C6orf62: variants seen among roughly 807,000 people sequenced by gnomAD.
C6orf62 encodes uncharacterized protein C6orf62.
A neutral mutation model predicts 26.8 loss-of-function variants in C6orf62; 16 were observed. The ratio of observed to expected loss-of-function variants is 0.60; its 90% CI spans 0.40 to 0.91. The LOEUF (loss-of-function observed/expected upper bound fraction) is 0.91, where lower values mean the gene tolerates loss of function less well. C6orf62 is among the 40% of genes least tolerant of loss of function. The probability of loss-of-function intolerance (pLI) is 0.00; values close to 1 mark genes in which losing one functional copy is unlikely to be tolerated. For synonymous variants in C6orf62, 112 were observed against 91.5 expected (o/e 1.22, Z -1.28); for missense variants, 192 against 271.4 (o/e 0.71, Z 2.06).
At chr6:24,715,480 A>T (rs560602448) in intron 2 of C6orf62, among the ~76,000 whole-genome samples, 2 of 152,392 alleles carry the variant, frequency 1.3e-5, no homozygotes, top group South Asian at 4.1e-4. Flanking sequence ...GTTTTACTCA[A>T]GGTCAAGTTT....
chr6:24,707,265 C>A (rs1480850265), intron 4 of C6orf62: 1 of 152,158 alleles, frequency 6.6e-6, no homozygotes, highest in Non-Finnish European at 1.5e-5. Flanking sequence ...AGTTACCTGT[C>A]CAAGATCATA....
At chr6:24,719,994 A>T, upstream of C6orf62, 1 of 1,537,654 alleles carries the variant, frequency 6.5e-7, no homozygotes, top group Non-Finnish European at 8.8e-7. Flanking sequence ...TAATTGTGTT[A>T]ATATTACTTC....
At chr6:24,710,466 G>A (rs1225126882) in intron 3 of C6orf62, 1 of 473,504 alleles carries the variant, frequency 2.1e-6, no homozygotes, top group Non-Finnish European at 2.8e-6. Context: ...ACTTCTTTAT[G>A]TTGGTCAGGA....
At chr6:24,720,314 G>A (rs1779330994), upstream of C6orf62, 2 of 1,306,580 alleles carry the variant, frequency 1.5e-6, no homozygotes, top group African/African-American at 1.5e-5. Context: ...GCTGCTGGTA[G>A]CACGGGCAGG....
At chr6:24,714,464 AAG>A (rs1229170460) in intron 2 of C6orf62, 24 bp from the exon 3 acceptor site, 1 of 1,542,588 alleles carries the variant, frequency 6.5e-7, no homozygotes. Context: ...AAAAAAAAAA[AAG>A]TTTACTTTTA....
intron 1 of C6orf62, 127 bp from the exon 2 acceptor site, chr6:24,716,451 G>C: frequency 1.6e-6 from 1 of 642,120 alleles, no homozygotes; most frequent in South Asian, 2.0e-5. Flanking sequence ...CTTATACACT[G>C]AAAACACATT....
Position 24,719,011 on chromosome 6 carries a change from G to A in C6orf62, c.-343C>T, listed in dbSNP as rs1437699528. 1.8e-6 allele frequency: 2 copies of A among 1,117,666 alleles called. No homozygotes were observed. The highest frequency in any genetic ancestry group is 1.0e-4 in the Admixed American group (2 of 19,862). The allele number at this position is 1,117,666 out of a possible 1,614,324, so 69.2% of individuals were successfully genotyped here. ...ACTGCCAAAATAAAGGCTTTGCGGA[G>A]AAATGAAAAGCCTATAATCAGGATT... is the stretch of plus-strand genomic sequence containing the variant. On this transcript the variant is annotated 5_prime_UTR_variant, in exon 1 of 5. Coordinates refer to ENST00000378119, the MANE Select transcript of C6orf62 (RefSeq NM_030939.5).
intron 4 of C6orf62, among the ~76,000 whole-genome samples, chr6:24,707,573 G>C (rs1024863347): frequency 1.3e-5 from 2 of 151,990 alleles, no homozygotes; most frequent in Admixed American, 6.6e-5. Context: ...TGCCCAGGCT[G>C]GTCTTGGACT....
chr6:24,706,702 A>C lies in C6orf62; in HGVS notation c.565-440T>G, dbSNP rs554054627. On this transcript the variant is annotated intron_variant, in intron 4 of 4. Coordinates refer to ENST00000378119, the MANE Select transcript of C6orf62 (RefSeq NM_030939.5). ...TGAGTCAGGAGGATTGCTTGAGCCCAAGAGTTCAAGACCATTCTGGGCAAC... is the reference window on the plus strand; with the variant it reads ...TGAGTCAGGAGGATTGCTTGAGCCCCAGAGTTCAAGACCATTCTGGGCAAC... 11 of 163,132 alleles carry C rather than the reference A, an allele frequency of 6.7e-5. No homozygotes were observed. In the South Asian group the frequency reaches 1.4e-3, roughly 21 times the overall value. The allele number at this position is 163,132 out of a possible 1,614,324, so 10.1% of individuals were successfully genotyped here.
At position 24,706,262 on chromosome 6, in the gene C6orf62, T is replaced by C; in HGVS notation, c.565A>G (p.Thr189Ala). ...AAGATTGTAGCTTTGTTTTTTGGAG[T>C]CTGGAAGGGGAAAACATTTTAATAT... is the stretch of plus-strand genomic sequence containing the variant. ...FLFIDRQHLQ[T>A]PKNKATIFKL... The change falls in exon 5 of 5, where the codon ACT (threonine) becomes GCT (alanine). Residue 189 changes from threonine to alanine, a missense_variant and splice_region_variant. By Grantham distance (58) the Thr-to-Ala change is moderately conservative. Transcript: ENST00000378119. 1 of 1,613,930 alleles carries C rather than the reference T, an allele frequency of 6.2e-7. No individual in the cohort carries two copies. Among genetic ancestry groups the C allele is most frequent in the Non-Finnish European group, 8.5e-7 (1 of 1,179,976 alleles).
chr6:24,719,928 G>C (rs1479043283), upstream of C6orf62: 3 of 1,550,344 alleles, frequency 1.9e-6, no homozygotes, highest in African/African-American at 1.4e-5. Context: ...TTCCCGCCCG[G>C]GTGGAGTGGG....
upstream of C6orf62, chr6:24,719,681 T>C: frequency 6.8e-7 from 1 of 1,472,570 alleles, no homozygotes; most frequent in Non-Finnish European, 9.0e-7. Flanking sequence ...CAAGGGAGAC[T>C]TCCCTGTGGA....
At chr6:24,710,571 G>A (rs1179200347) in intron 3 of C6orf62, 1 of 983,836 alleles carries the variant, frequency 1.0e-6, no homozygotes, top group Non-Finnish European at 1.2e-6. Context: ...GCCCAAATTG[G>A]GTTCTTATCA....
intron 3 of C6orf62, among the ~76,000 whole-genome samples, chr6:24,713,143 A>G (rs923533988): frequency 6.6e-6 from 1 of 152,226 alleles, no homozygotes; most frequent in Non-Finnish European, 1.5e-5. Flanking sequence ...TTGAACTTAC[A>G]ACAATTCCAA....
intron 1 of C6orf62, among the ~76,000 whole-genome samples, chr6:24,717,209 G>C (rs1277240263): frequency 6.6e-6 from 1 of 152,226 alleles, no homozygotes; most frequent in Non-Finnish European, 1.5e-5. Flanking sequence ...TATCGTTGGT[G>C]TTAAAGAATT....
chr6:24,707,789 G>A (rs192019006), intron 4 of C6orf62, among the ~76,000 whole-genome samples: 7 of 151,982 alleles, frequency 4.6e-5, no homozygotes, highest in Admixed American at 3.3e-4. Flanking sequence ...AGATCATGAG[G>A]TCAGGAGATT....
chr6:24,715,269 T>C (rs1189865915), intron 2 of C6orf62, among the ~76,000 whole-genome samples: 2 of 152,200 alleles, frequency 1.3e-5, no homozygotes, highest in Non-Finnish European at 2.9e-5. Flanking sequence ...TCCAGCATTC[T>C]CCCCAAGTAA....
intron 1 of C6orf62, 112 bp downstream of exon 1, chr6:24,718,424 GCAGA>G (rs1779280240): frequency 1.9e-6 from 2 of 1,050,604 alleles, no homozygotes; most frequent in African/African-American, 3.2e-5. Context: ...AGCATACAAA[GCAGA>G]CTTTTTTTCA....
chr6:24,716,884 TG>T (rs1212240670), intron 1 of C6orf62, among the ~76,000 whole-genome samples: 2 of 151,992 alleles, frequency 1.3e-5, no homozygotes, highest in Admixed American at 1.3e-4. Flanking sequence ...CCACCACACC[TG>T]GCTAATTTTT....
Sources: allele counts gnomAD v4.1 joint callset (sites outside exome capture counted in the v4.1 genomes callset), GRCh38; gene constraint gnomAD v4.1.1; transcripts MANE v1.5; gene names NCBI Gene and HGNC (gene_info 2026-07-23, HGNC 2026-07-21).